KIAA1217: variants seen among roughly 807,000 people sequenced by gnomAD.
The protein encoded by KIAA1217 is KIAA1217.
KIAA1217 carries 88 observed loss-of-function variants against 163.9 expected under a neutral mutation model. That is an observed-to-expected ratio of 0.54 (90% CI 0.45 to 0.64). KIAA1217 has a LOEUF of 0.64. KIAA1217 is among the 30% of genes least tolerant of loss of function. The probability of loss-of-function intolerance (pLI) is 0.00; values close to 1 mark genes in which losing one functional copy is unlikely to be tolerated. For missense variants in KIAA1217, 2,372 were observed against 2,475.0 expected (o/e 0.96, Z 0.88); for synonymous variants, 903 against 923.1 (o/e 0.98, Z 0.39).
chr10:24,003,090 G>A (rs1006960344), intron 1 of KIAA1217, among the ~76,000 whole-genome samples: 3 of 152,132 alleles, frequency 2.0e-5, no homozygotes, highest in African/African-American at 7.2e-5. Context: ...CTCTACAATT[G>A]TGAATTGTGC....
chr10:24,416,625 C>T (rs954298134), intron 3 of KIAA1217, among the ~76,000 whole-genome samples: 9 of 152,286 alleles, frequency 5.9e-5, no homozygotes, highest in Admixed American at 3.3e-4. Flanking sequence ...TCACGATGAC[C>T]GAGGATGCCA....
At chr10:24,153,826 T>A (rs930954347) in intron 2 of KIAA1217, among the ~76,000 whole-genome samples, 10 of 152,304 alleles carry the variant, frequency 6.6e-5, no homozygotes, top group African/African-American at 1.2e-4. Context: ...TGGTATTTTT[T>A]AAAAAGATAA....
chr10:24,518,331 C>A (rs1564842772), intron 10 of KIAA1217, among the ~76,000 whole-genome samples: 1 of 152,028 alleles, frequency 6.6e-6, no homozygotes, highest in Non-Finnish European at 1.5e-5. Context: ...AAGTAGGTAT[C>A]ATAAACGTTT....
intron 2 of KIAA1217, among the ~76,000 whole-genome samples, chr10:24,120,442 G>A (rs1424796613): frequency 6.6e-6 from 1 of 152,184 alleles, no homozygotes; most frequent in African/African-American, 2.4e-5. Flanking sequence ...GGGATTACTT[G>A]CTTTCTGGTG....
intron 1 of KIAA1217, among the ~76,000 whole-genome samples, chr10:23,947,373 T>C (rs1844103668): frequency 6.6e-6 from 1 of 152,212 alleles, no homozygotes; most frequent in Non-Finnish European, 1.5e-5. Flanking sequence ...GCAGTAAGTA[T>C]TGATCTCATT....
intron 1 of KIAA1217, among the ~76,000 whole-genome samples, chr10:23,917,574 C>T (rs1298041002): frequency 5.3e-5 from 8 of 152,144 alleles, no homozygotes; most frequent in South Asian, 2.1e-4. Flanking sequence ...TCTGACTGTG[C>T]GAGTGAAAAG....
intron 1 of KIAA1217, among the ~76,000 whole-genome samples, chr10:23,707,265 C>T (rs1468359434): frequency 2.0e-5 from 3 of 151,804 alleles, no homozygotes; most frequent in African/African-American, 7.3e-5. Context: ...AATAACATAC[C>T]CCAAGGCCCT....
intron 1 of KIAA1217, among the ~76,000 whole-genome samples, chr10:23,747,697 A>G (rs1470256969): frequency 6.6e-6 from 1 of 152,222 alleles, no homozygotes; most frequent in Non-Finnish European, 1.5e-5. Flanking sequence ...TCAGAAAGAT[A>G]CAGAGAACTA....
At chr10:24,073,612 G>A (rs2061266208) in intron 2 of KIAA1217, among the ~76,000 whole-genome samples, 1 of 152,206 alleles carries the variant, frequency 6.6e-6, no homozygotes, top group Non-Finnish European at 1.5e-5. Flanking sequence ...TGTTGGAAGA[G>A]ACAGCGATGC....
intron 1 of KIAA1217, among the ~76,000 whole-genome samples, chr10:24,002,688 T>G (rs1484061504): frequency 1.3e-5 from 2 of 152,164 alleles, no homozygotes; most frequent in Non-Finnish European, 2.9e-5. Flanking sequence ...GGGGTACAGG[T>G]GGTTTTTGGT....
intron 2 of KIAA1217, among the ~76,000 whole-genome samples, chr10:24,358,022 C>T (rs982359376): frequency 1.3e-5 from 2 of 152,162 alleles, no homozygotes; most frequent in African/African-American, 4.8e-5. Flanking sequence ...GGGTAAGCCC[C>T]CAAATCAAGC....
Position 24,542,959 on chromosome 10 carries a change from C to T in KIAA1217, c.3689C>T (p.Ser1230Leu). 1.2e-6 allele frequency: 2 copies of T among 1,612,118 alleles called. No homozygotes were observed. Among genetic ancestry groups the T allele is most frequent in the Non-Finnish European group, 8.5e-7 (1 of 1,178,338 alleles). ...RGMENSISDA[S>L]RTSEYKTEII... is the part of the protein sequence containing the mutation. ...ATGGAGAATAGTATTTCTGATGCAT[C>T]AAGAACATCAGAATATAAAACTGAG... The change falls in exon 19 of 21, where the codon TCA (serine) becomes TTA (leucine). Residue 1230 changes from serine (S) to leucine (L), a missense_variant. Transcript: ENST00000376454.
rs41279870 is a variant in KIAA1217, at chr10:24,546,488, G to A, written c.*164G>A. On this transcript the variant is annotated 3_prime_UTR_variant, in exon 21 of 21. Coordinates refer to ENST00000376454, the MANE Select transcript of KIAA1217 (RefSeq NM_019590.5). ...TAATAGATTTCAGTAAAGCTCGTTC[G>A]TTTTGTTTGGTTTTCTTTTTACCTA... 0.041 allele frequency: 31,269 copies of A among 761,564 alleles called. 785 individuals are homozygous for A. Among genetic ancestry groups the A allele is most frequent in the Middle Eastern group, 0.052 (165 of 3,154 alleles). 47.2% of individuals were successfully genotyped at this position (761,564 alleles called of 1,614,324 possible). A position where few individuals can be genotyped will look rare whatever the true frequency, so the allele number is the denominator to read the frequency against.
intron 1 of KIAA1217, among the ~76,000 whole-genome samples, chr10:23,836,915 C>G (rs889275883): frequency 3.0e-5 from 4 of 133,372 alleles, no homozygotes; most frequent in African/African-American, 8.5e-5. Context: ...AGAGTGAGAC[C>G]CTGTGGGAAG....
intron 2 of KIAA1217, among the ~76,000 whole-genome samples, chr10:24,066,704 G>C (rs781249242): frequency 6.2e-4 from 94 of 152,200 alleles, no homozygotes; most frequent in Non-Finnish European, 1.2e-3. Context: ...TGCTAGATTG[G>C]GGAAGTTCTC....
At chr10:24,025,460 GTTCT>G (rs1847899816) in intron 2 of KIAA1217, among the ~76,000 whole-genome samples, 1 of 151,418 alleles carries the variant, frequency 6.6e-6, no homozygotes, top group South Asian at 2.1e-4. Context: ...TTCCACTTTC[GTTCT>G]TTCTTTTCAA....
chr10:23,995,649 G>T (rs1257686926), intron 1 of KIAA1217, among the ~76,000 whole-genome samples: 1 of 152,146 alleles, frequency 6.6e-6, no homozygotes, highest in Non-Finnish European at 1.5e-5. Flanking sequence ...GGTTGAAGCG[G>T]CAATCCAGGG....
chr10:24,365,201 G>A (rs2050608908), intron 2 of KIAA1217, among the ~76,000 whole-genome samples: 1 of 152,038 alleles, frequency 6.6e-6, no homozygotes, highest in Non-Finnish European at 1.5e-5. Flanking sequence ...TTTCTTTGTT[G>A]TAAGTTCCTC....
intron 2 of KIAA1217, among the ~76,000 whole-genome samples, chr10:24,310,130 G>A (rs1393234502): frequency 6.6e-6 from 1 of 152,160 alleles, no homozygotes; most frequent in African/African-American, 2.4e-5. Context: ...TTAAGCAGGA[G>A]AAGTATTTTT....
Sources: gnomAD v4.1 joint callset for allele counts (sites outside exome capture counted in the v4.1 genomes callset) on GRCh38, gnomAD v4.1.1 for gene constraint, MANE v1.5 for transcripts, NCBI Gene and HGNC (gene_info 2026-07-23, HGNC 2026-07-21) for gene names.